Variants in DOCK2 observed in about 807,000 individuals in gnomAD.
The protein encoded by DOCK2 is dedicator of cytokinesis protein 2.
A neutral mutation model predicts 248.9 loss-of-function variants in DOCK2; 87 were observed. That is an observed-to-expected ratio of 0.35 (90% CI 0.29 to 0.42). The LOEUF is 0.42. Among genes scored for constraint, DOCK2 ranks in the 10% least tolerant of loss-of-function variants. DOCK2 has a pLI of 1.00. For synonymous variants in DOCK2, 805 were observed against 821.6 expected, an observed-to-expected ratio of 0.98 and a Z score of 0.35; for missense variants, 1,747 against 2,300.2, an observed-to-expected ratio of 0.76 and a Z score of 4.92.
chr5:169,958,231 A>G (rs1262509983), intron 27 of DOCK2, among the ~76,000 whole-genome samples: 1 of 151,956 alleles, frequency 6.6e-6, no homozygotes, highest in Non-Finnish European at 1.5e-5. Flanking sequence ...TGTTTTGCAA[A>G]AAAAAAAGGC....
At position 170,016,644 on chromosome 5, in the gene DOCK2, C is replaced by T. The variant is rs937784361; in HGVS notation, c.3233-2316C>T. On this transcript the variant is annotated intron_variant, in intron 32 of 51. Transcript: ENST00000520908. ...AAATCACGGGTCTACAGCATGTCTG[C>T]CCTTTATTTTAAACCATCTAAAATT... Among the ~76,000 whole-genome samples, 11 of 152,340 alleles carry T rather than the reference C, an allele frequency of 7.2e-5. No homozygotes were observed. In the South Asian group the frequency reaches 1.9e-3, roughly 26 times the overall value.
At position 170,014,576 on chromosome 5, in the gene DOCK2, T is replaced by G. The variant is rs538025272; in HGVS notation, c.3233-4384T>G. ...TCAAAAGACTCATGCAGCTTGTAGC[T>G]TCCATACAGAATAGCACAGCCCTAG... is the stretch of plus-strand genomic sequence containing the variant. On this transcript the variant is annotated intron_variant, in intron 32 of 51. Transcript: ENST00000520908. 4.3e-4 allele frequency among the ~76,000 whole-genome samples: 61 copies of G among 141,472 alleles called. No individual in the cohort carries two copies. The East Asian group carries it at 0.011, about 25-fold the overall frequency. 92.8% of individuals were successfully genotyped at this position (141,472 alleles called of 152,430 possible).
At chr5:170,062,856 T>C (rs1448326940) in intron 44 of DOCK2, among the ~76,000 whole-genome samples, 1 of 152,198 alleles carries the variant, frequency 6.6e-6, no homozygotes, top group Non-Finnish European at 1.5e-5. Context: ...TTCCAGTGGC[T>C]ACTTGGCAGC....
Position 169,764,896 on chromosome 5 carries a change from T to C in DOCK2, c.2554+3271T>C, listed in dbSNP as rs2113750710. Among the ~76,000 whole-genome samples the C allele has an allele frequency of 6.6e-6, 1 of 150,780 alleles. No individual in the cohort carries two copies. On this transcript the variant is annotated intron_variant, in intron 25 of 51. Transcript: ENST00000520908. This position sits in a 1 kb window ranked among gnomAD's most constrained non-coding sequence, Gnocchi z 4.3. Reference sequence around the variant, plus strand: ...GTTTTCAATTTTTATTGCCCTAGAATGTTTTTGTAAAGGGGCCATGTTACA... The same window carrying C: ...GTTTTCAATTTTTATTGCCCTAGAACGTTTTTGTAAAGGGGCCATGTTACA...
At chr5:169,872,460 G>T (rs1772040981) in intron 27 of DOCK2, among the ~76,000 whole-genome samples, 1 of 152,126 alleles carries the variant, frequency 6.6e-6, no homozygotes, top group Non-Finnish European at 1.5e-5. Flanking sequence ...GTTTAATTTT[G>T]TGCTTCACAA....
intron 37 of DOCK2, 40 bp downstream of exon 37, chr5:170,041,185 C>A (rs1756500355): frequency 6.6e-7 from 1 of 1,520,764 alleles, no homozygotes; most frequent in East Asian, 2.2e-5. Context: ...TGCTGGGATC[C>A]TGACAGGGCC....
In DOCK2 at chr5:169,896,172, T is replaced by C. The variant is rs958178306; in HGVS notation, c.2799+55320T>C. On this transcript the variant is annotated intron_variant, in intron 27 of 51. Transcript: ENST00000520908. ...TGAAAGAGCCAGAAACCGTTGCTCC[T>C]GGGGTCGGGGGGCGGGGAGGCAGTC... Among the ~76,000 whole-genome samples the C allele has an allele frequency of 2.8e-4, 40 of 142,710 alleles. 1 individual carries two copies. Among genetic ancestry groups the C allele is most frequent in the Middle Eastern group, 3.6e-3 (1 of 278 alleles). 93.6% of individuals were successfully genotyped at this position (142,710 alleles called of 152,430 possible).
intron 27 of DOCK2, chr5:169,882,841 C>CCCTCTTTTTCTTTATAAATTACA (rs1772737520): frequency 1.3e-6 from 2 of 1,550,844 alleles, no homozygotes; most frequent in African/African-American, 2.7e-5. Flanking sequence ...CTCCTGACAC[C>CCCTCTTTTTCTTTATAAATTACA]CAGGGGCAGA....
rs544022938 is a variant in DOCK2, at chr5:169,748,188, A to G, written c.2376+684A>G. Among the ~76,000 whole-genome samples the G allele has an allele frequency of 5.3e-5, 8 of 151,710 alleles. No homozygotes were observed. The East Asian group carries it at 1.5e-3, about 29-fold the overall frequency. On this transcript the variant is annotated intron_variant, in intron 23 of 51. Coordinates refer to ENST00000520908, the MANE Select transcript of DOCK2 (RefSeq NM_004946.3). ...TGCTGCTTTTTTTTTTTAAATCAATATTATTCTTTTAGATGCTAATTTAAA... is the reference window on the plus strand; with the variant it reads ...TGCTGCTTTTTTTTTTTAAATCAATGTTATTCTTTTAGATGCTAATTTAAA...
At chr5:169,928,276 G>A (rs970926405) in intron 27 of DOCK2, among the ~76,000 whole-genome samples, 5 of 152,188 alleles carry the variant, frequency 3.3e-5, no homozygotes, top group Non-Finnish European at 5.9e-5. Flanking sequence ...GATGGCCCTC[G>A]GTGGGCCAGC....
chr5:169,912,522 C>T (rs1435291235), intron 27 of DOCK2, among the ~76,000 whole-genome samples: 2 of 152,084 alleles, frequency 1.3e-5, no homozygotes, highest in African/African-American at 2.4e-5. Flanking sequence ...AGCATTCTCC[C>T]CTGTCTTAAT....
At chr5:170,068,457 T>C (rs1351407601) in intron 45 of DOCK2, among the ~76,000 whole-genome samples, 2 of 152,200 alleles carry the variant, frequency 1.3e-5, no homozygotes, top group African/African-American at 4.8e-5. Flanking sequence ...TCCATTGATG[T>C]AAAACTAAGA....
chr5:169,862,390 C>T (rs1166200746), intron 27 of DOCK2, among the ~76,000 whole-genome samples: 2 of 152,126 alleles, frequency 1.3e-5, no homozygotes, highest in African/African-American at 4.8e-5. Context: ...GATGGAAGCT[C>T]TACTACAAGA....
intron 27 of DOCK2, among the ~76,000 whole-genome samples, chr5:169,877,384 A>T (rs1417923976): frequency 6.6e-6 from 1 of 152,214 alleles, no homozygotes; most frequent in African/African-American, 2.4e-5. Context: ...GTGACAAATG[A>T]TGAGAGCCTT....
chr5:169,761,099 G>T (rs1764461018), intron 24 of DOCK2, among the ~76,000 whole-genome samples: 1 of 152,208 alleles, frequency 6.6e-6, no homozygotes, highest in Admixed American at 6.5e-5. Context: ...TGGTAATGAA[G>T]TCAGAACCTT....
At chr5:169,746,283 A>G (rs155236) in intron 22 of DOCK2, among the ~76,000 whole-genome samples, 48,794 of 151,922 alleles carry the variant, frequency 0.32, 11,285 homozygotes, top group African/African-American at 0.64. Context: ...CACACACTTA[A>G]AGCCACAGAA....
chr5:169,700,329 A>C lies in DOCK2; in HGVS notation c.1258+190A>C, dbSNP rs549175736. Among the ~76,000 whole-genome samples the C allele has an allele frequency of 9.8e-5, 15 of 152,342 alleles. No homozygotes were observed. The South Asian group carries it at 3.1e-3, about 32-fold the overall frequency. On this transcript the variant is annotated intron_variant, in intron 13 of 51. Transcript: ENST00000520908. ...TCTATGCATTAACAAAATAGACACA[A>C]GCATGTAAATATAAACACATACCCC...
At chr5:169,906,375 G>A (rs571109900) in intron 27 of DOCK2, among the ~76,000 whole-genome samples, 39 of 152,154 alleles carry the variant, frequency 2.6e-4, no homozygotes, top group South Asian at 4.1e-4. Context: ...GCAAACGGGC[G>A]TTCATCTCAA....
At chr5:169,940,822 G>A (rs1048783278) in intron 27 of DOCK2, among the ~76,000 whole-genome samples, 2 of 152,216 alleles carry the variant, frequency 1.3e-5, no homozygotes, top group African/African-American at 2.4e-5. Flanking sequence ...TGTGCAGCTC[G>A]GTTCCTACCT....
Sources: allele counts gnomAD v4.1 joint callset (sites outside exome capture counted in the v4.1 genomes callset), GRCh38; gene constraint gnomAD v4.1.1; non-coding constraint Gnocchi (gnomAD v3.1); transcripts MANE v1.5; gene names NCBI Gene and HGNC (gene_info 2026-07-23, HGNC 2026-07-21).